The following NPHP1 variants were observed in gnomAD, a reference collection of about 807,000 sequenced individuals.
The protein encoded by NPHP1 is nephrocystin-1.
A neutral mutation model predicts 90.4 loss-of-function variants in NPHP1; 70 were observed. The observed-to-expected ratio is 0.77, with a 90% confidence interval of 0.64 to 0.95. NPHP1 has a LOEUF of 0.95. Among genes scored for constraint, NPHP1 ranks in the 40% least tolerant of loss-of-function variants. The pLI is 0.00. For synonymous variants in NPHP1, 256 were observed against 271.7 expected, an observed-to-expected ratio of 0.94 and a Z score of 0.57; for missense variants, 764 against 795.9, an observed-to-expected ratio of 0.96 and a Z score of 0.48.
chr2:110,153,054 G>C (rs1681613374), intron 11 of NPHP1, among the ~76,000 whole-genome samples: 1 of 152,030 alleles, frequency 6.6e-6, no homozygotes, highest in African/African-American at 2.4e-5. Flanking sequence ...AAAATACCTT[G>C]AAAACAGTAA....
At chr2:110,124,165 G>T in intron 19 of NPHP1, 102 bp from the exon 20 acceptor site, 1 of 1,316,228 alleles carries the variant, frequency 7.6e-7, no homozygotes, top group Non-Finnish European at 1.1e-6. Flanking sequence ...GATGGAGGGT[G>T]CCATTAGTGC....
chr2:110,166,228 C>T (rs1682717120), intron 6 of NPHP1, among the ~76,000 whole-genome samples: 1 of 152,186 alleles, frequency 6.6e-6, no homozygotes, highest in Non-Finnish European at 1.5e-5. Context: ...ACCCTTTGAA[C>T]CAGTGATGAA....
At chr2:110,195,977 T>C (rs1559106756) in intron 2 of NPHP1, among the ~76,000 whole-genome samples, 1 of 152,142 alleles carries the variant, frequency 6.6e-6, no homozygotes, top group African/African-American at 2.4e-5. Flanking sequence ...CTGGATGCCT[T>C]CCTTACACCT....
chr2:110,167,139 T>C (rs1467731076), intron 6 of NPHP1, among the ~76,000 whole-genome samples: 5 of 152,146 alleles, frequency 3.3e-5, no homozygotes, highest in Admixed American at 3.3e-4. Flanking sequence ...GTATTTGTTC[T>C]TTGTCACTGA....
rs189649819 is a variant in NPHP1, at chr2:110,163,146, T to A, written c.772-11A>T. On this transcript the variant is annotated splice_polypyrimidine_tract_variant and intron_variant, in intron 8 of 19. Coordinates refer to ENST00000445609, the MANE Select transcript of NPHP1 (RefSeq NM_001128178.3). ...AACAGTGTTTATCTGCTGAAGACAGTAACATCAAAATGGATTTGTTTTCAG... is the reference window on the plus strand; with the variant it reads ...AACAGTGTTTATCTGCTGAAGACAGAAACATCAAAATGGATTTGTTTTCAG... The A allele has an allele frequency of 1.1e-5, 17 of 1,581,042 alleles. No homozygotes were observed. Among genetic ancestry groups the A allele is most frequent in the Middle Eastern group, 3.3e-4 (2 of 6,000 alleles).
At chr2:110,149,467 T>C (rs1681305795) in intron 12 of NPHP1, among the ~76,000 whole-genome samples, 1 of 152,130 alleles carries the variant, frequency 6.6e-6, no homozygotes. Context: ...AGGTGTGCTC[T>C]CGACAAGTCT....
chr2:110,159,429 A>AT lies in NPHP1; in HGVS notation c.1083+697dup, dbSNP rs200875980. 5.5e-3 allele frequency among the ~76,000 whole-genome samples: 834 copies of AT among 151,540 alleles called. 13 individuals carry two copies. Among genetic ancestry groups the AT allele is most frequent in the African/African-American group, 0.017 (713 of 41,384 alleles). On this transcript the variant is annotated intron_variant, in intron 11 of 19. Transcript: ENST00000445609. ...GGCCTGAAGTTTTCTTTGTGGCAAG[A>AT]TTTTTTTTTAATTATAGGTTTAATA...
chr2:110,161,598 C>A lies in NPHP1; in HGVS notation c.954+5G>T, dbSNP rs1242271896. The A allele has an allele frequency of 6.3e-7, 1 of 1,581,664 alleles. No individual in the cohort carries two copies. Among genetic ancestry groups the A allele is most frequent in the Non-Finnish European group, 8.7e-7 (1 of 1,151,236 alleles). ...TACACTTTTACTGATAGTAACTATA[C>A]TTACAGTGCCTTCTGTAGCATCCCA... is the stretch of plus-strand genomic sequence containing the variant. On this transcript the variant is annotated splice_donor_5th_base_variant and intron_variant, in intron 10 of 19. Coordinates refer to ENST00000445609, the MANE Select transcript of NPHP1 (RefSeq NM_001128178.3).
At chr2:110,166,255 T>C (rs1682719273) in intron 6 of NPHP1, among the ~76,000 whole-genome samples, 1 of 152,202 alleles carries the variant, frequency 6.6e-6, no homozygotes, top group African/African-American at 2.4e-5. Context: ...GGAATTTATC[T>C]AAGGGGATAA....
At chr2:110,151,168 GA>G (rs35894521) in intron 11 of NPHP1, among the ~76,000 whole-genome samples, 39,528 of 116,050 alleles carry the variant, frequency 0.34, 5,925 homozygotes, top group East Asian at 0.53. Context: ...TCAGTCTCAA[GA>G]AAAAAAAAAA....
At chr2:110,135,802 A>C (rs188336758) in intron 16 of NPHP1, among the ~76,000 whole-genome samples, 1 of 152,296 alleles carries the variant, frequency 6.6e-6, no homozygotes, top group African/African-American at 2.4e-5. Flanking sequence ...TTAATCCTTT[A>C]TCTTAATTCC....
intron 18 of NPHP1, 29 bp from the exon 19 acceptor site, chr2:110,125,710 GT>G: frequency 6.3e-7 from 1 of 1,592,238 alleles, no homozygotes; most frequent in Non-Finnish European, 8.6e-7. Flanking sequence ...TATTATGTTA[GT>G]CCAAGTAGTA....
chr2:110,149,442 A>T (rs566921003), intron 12 of NPHP1, among the ~76,000 whole-genome samples: 7 of 152,296 alleles, frequency 4.6e-5, no homozygotes, highest in Admixed American at 2.6e-4. Flanking sequence ...AAGAAGATCA[A>T]GATGGACTTT....
chr2:110,175,122 A>G (rs1358772277), intron 4 of NPHP1, among the ~76,000 whole-genome samples: 2 of 152,234 alleles, frequency 1.3e-5, no homozygotes, highest in East Asian at 3.9e-4. Context: ...CCCAGGAGCA[A>G]TGGTTTAGCA....
At chr2:110,150,064 G>C (rs573314919) in intron 12 of NPHP1, 118 bp downstream of exon 12, 2 of 870,744 alleles carry the variant, frequency 2.3e-6, no homozygotes, top group Non-Finnish European at 3.9e-6. Flanking sequence ...TGTCCTCAAA[G>C]AACACCAAAG....
At chr2:110,125,393 C>T in intron 19 of NPHP1, 1 of 1,418,600 alleles carries the variant, frequency 7.0e-7, no homozygotes, top group East Asian at 2.5e-5. Context: ...GAAACTTCCC[C>T]TTTATTTAAA....
At position 110,134,088 on chromosome 2, in the gene NPHP1, A is replaced by G. The variant is rs180980881; in HGVS notation, c.1530-2297T>C. ...GAAAGCAAGACTCTGTTCTTTGAAA[A>G]GATGAACAAAATTGACAAACCTTTA... On this transcript the variant is annotated intron_variant, in intron 16 of 19. Transcript: ENST00000445609. 4.8e-3 allele frequency among the ~76,000 whole-genome samples: 724 copies of G among 152,192 alleles called. 5 individuals are homozygous for G. Among genetic ancestry groups the G allele is most frequent in the Middle Eastern group, 0.017 (5 of 294 alleles).
intron 2 of NPHP1, among the ~76,000 whole-genome samples, chr2:110,192,002 T>A (rs1175472563): frequency 6.6e-6 from 1 of 151,942 alleles, no homozygotes; most frequent in Non-Finnish European, 1.5e-5. Context: ...CAAAACCCCA[T>A]CTGTACATCA....
intron 6 of NPHP1, among the ~76,000 whole-genome samples, 194 bp downstream of exon 6, chr2:110,168,258 C>A (rs770752123): frequency 3.3e-5 from 5 of 152,138 alleles, no homozygotes; most frequent in Non-Finnish European, 5.9e-5. Flanking sequence ...GGCTCACATG[C>A]GTAAGAGCAC....
Sources: allele counts gnomAD v4.1 joint callset (sites outside exome capture counted in the v4.1 genomes callset), GRCh38; gene constraint gnomAD v4.1.1; transcripts MANE v1.5; gene names NCBI Gene and HGNC (gene_info 2026-07-23, HGNC 2026-07-21).